Variants in TGM2 observed in about 807,000 individuals in gnomAD.
TGM2 encodes transglutaminase 2.
A neutral mutation model predicts 75.6 loss-of-function variants in TGM2; 53 were observed. The observed-to-expected ratio is 0.70, with a 90% CI of 0.56 to 0.88. The LOEUF is 0.88. TGM2 is among the 40% of genes least tolerant of loss of function. The pLI, the probability that TGM2 is intolerant of heterozygous loss-of-function variation, is 0.00. For missense variants in TGM2, 842 were observed against 928.5 expected (o/e 0.91, Z 1.21); for synonymous variants, 374 against 381.1 (o/e 0.98, Z 0.22).
chr20:38,161,661 C>A (rs1242808948), intron 1 of TGM2, 62 bp from the exon 2 acceptor site: 1 of 1,589,462 alleles, frequency 6.3e-7, no homozygotes, highest in Non-Finnish European at 8.6e-7. Context: ...CAGTGATGCA[C>A]CTGCCCTCCC....
chr20:38,137,840 C>A (rs993370911), intron 10 of TGM2: 58 of 624,718 alleles, frequency 9.3e-5, no homozygotes, highest in Non-Finnish European at 1.4e-4. Context: ...CAGGTTAACT[C>A]CCCAACTGTG....
intron 10 of TGM2, among the ~76,000 whole-genome samples, chr20:38,135,343 A>T (rs1342716539): frequency 6.6e-6 from 1 of 151,982 alleles, no homozygotes; most frequent in Non-Finnish European, 1.5e-5. Flanking sequence ...GTCAAGCCCA[A>T]GACTTCACCA....
At position 38,138,443 on chromosome 20, in the gene TGM2, C is replaced by T. The variant is rs1434017988; in HGVS notation, c.1343-58G>A. 1.8e-5 allele frequency: 29 copies of T among 1,610,784 alleles called. 1 individual carries two copies. The highest frequency in any genetic ancestry group is 1.6e-4 in the East Asian group (7 of 44,882). ...GCTGGAATAGATCACAGGAAGGGGG[C>T]TGCAACAGGGCGAGCTGTCTTCGCA... On this transcript the variant is annotated intron_variant, in intron 9 of 12. Coordinates refer to ENST00000361475, the MANE Select transcript of TGM2 (RefSeq NM_004613.4).
chr20:38,155,750 C>G, intron 3 of TGM2, 97 bp downstream of exon 3: 1 of 1,487,364 alleles, frequency 6.7e-7, no homozygotes, highest in Non-Finnish European at 9.0e-7. Context: ...TGATGTGTGT[C>G]TCTTATCCCC....
chr20:38,153,218 G>T (rs932682521), intron 3 of TGM2, among the ~76,000 whole-genome samples: 5 of 152,140 alleles, frequency 3.3e-5, no homozygotes, highest in Admixed American at 6.6e-5. Flanking sequence ...GACACTCAAC[G>T]CCCTTAGAAA....
At chr20:38,167,575 G>A (rs2075321317), upstream of TGM2, among the ~76,000 whole-genome samples, 1 of 152,146 alleles carries the variant, frequency 6.6e-6, no homozygotes, top group African/African-American at 2.4e-5. Flanking sequence ...CTGAGCTCTA[G>A]TGATCTGCAC....
chr20:38,156,980 CT>C (rs1281913107), intron 2 of TGM2, among the ~76,000 whole-genome samples: 2 of 152,206 alleles, frequency 1.3e-5, no homozygotes, highest in Admixed American at 6.5e-5. Context: ...AAAGCAGCTG[CT>C]TTTCCAGGTG....
At chr20:38,136,254 A>G (rs745405727) in intron 10 of TGM2, among the ~76,000 whole-genome samples, 5 of 152,198 alleles carry the variant, frequency 3.3e-5, no homozygotes, top group Non-Finnish European at 7.3e-5. Context: ...CCCGCCCGCA[A>G]CACAGACCTG....
At position 38,138,346 on chromosome 20, in the gene TGM2, T is replaced by C. The variant is rs754486163; in HGVS notation, c.1382A>G (p.His461Arg). The C allele has an allele frequency of 3.7e-6, 6 of 1,614,168 alleles. No homozygotes were observed. In the Admixed American group the frequency reaches 1.0e-4, roughly 27 times the overall value. Residue 461 changes from histidine to arginine, a missense_variant, in exon 10 of 13, where the codon CAC becomes CGC. Coordinates refer to ENST00000361475, the MANE Select transcript of TGM2 (RefSeq NM_004613.4). ...CTCCTTCTCGGCCAGTTTGTTCAGG[T>C]GGTTCGCCCTTGTGAAGGCCTCCCT... ...EEREAFTRAN[H>R]LNKLAEKEET...
intron 11 of TGM2, 92 bp from the exon 12 acceptor site, chr20:38,131,321 C>T: frequency 1.3e-6 from 2 of 1,579,206 alleles, no homozygotes; most frequent in South Asian, 2.2e-5. Context: ...ATTTGCTGAA[C>T]AAAGCTGTAC....
rs184512746 is a variant in TGM2 at position 38,131,725 on chromosome 20, T to C, written c.1777-496A>G. Among the ~76,000 whole-genome samples the C allele has an allele frequency of 2.6e-5, 4 of 152,224 alleles. No homozygotes were observed. In the East Asian group the frequency reaches 5.8e-4, roughly 22 times the overall value. ...TCTGCTGTTTACCATTTAAGTGTAATTGTTGCCCTTAGGGGTTGTGGGCTG... is the reference window on the plus strand; with the variant it reads ...TCTGCTGTTTACCATTTAAGTGTAACTGTTGCCCTTAGGGGTTGTGGGCTG... On this transcript the variant is annotated intron_variant, in intron 11 of 12. Coordinates refer to ENST00000361475, the MANE Select transcript of TGM2 (RefSeq NM_004613.4).
rs1199376180 is a variant in TGM2, at chr20:38,149,678, C to CAAAAAAAAAAAAAA, written c.552+1247_552+1260dup. 5.4e-3 allele frequency among the ~76,000 whole-genome samples: 218 copies of CAAAAAAAAAAAAAA among 40,434 alleles called. 20 individuals carry two copies. The highest frequency in any genetic ancestry group is 0.019 in the African/African-American group (199 of 10,744). The allele number at this position is 40,434 out of a possible 152,430, so 26.5% of individuals were successfully genotyped here. On this transcript the variant is annotated intron_variant, in intron 4 of 12. Coordinates refer to ENST00000361475, the MANE Select transcript of TGM2 (RefSeq NM_004613.4). ...TGGGCAACAGAGCGAGACTCCGCCT[C>CAAAAAAAAAAAAAA]AAAAAAAAAAAAAAAAAAAAAAACA...
chr20:38,132,242 T>A, intron 11 of TGM2, 98 bp downstream of exon 11: 2 of 1,409,608 alleles, frequency 1.4e-6, no homozygotes, highest in Non-Finnish European at 2.0e-6. Context: ...GGTCTGGAGC[T>A]TGCAGGGATG....
In TGM2 at chr20:38,161,386, G is replaced by T. The variant is rs45555039; in HGVS notation, c.190+34C>A. On this transcript the variant is annotated intron_variant, in intron 2 of 12. Coordinates refer to ENST00000361475, the MANE Select transcript of TGM2 (RefSeq NM_004613.4). ...GGGTGGAGAGGAAGTGGTGGTGGTG[G>T]TGGTGGTGGTGGAGTGGGGTTGCAG... is the stretch of plus-strand genomic sequence containing the variant. 2.5e-6 allele frequency: 4 copies of T among 1,610,866 alleles called. 1 individual carries two copies. Among genetic ancestry groups the T allele is most frequent in the Middle Eastern group, 1.7e-4 (1 of 6,060 alleles).
intron 10 of TGM2, among the ~76,000 whole-genome samples, chr20:38,134,456 C>T (rs1271845977): frequency 2.6e-5 from 4 of 152,140 alleles, no homozygotes; most frequent in Non-Finnish European, 5.9e-5. Flanking sequence ...AGGATGTGGC[C>T]CAACTGTCGA....
intron 12 of TGM2, among the ~76,000 whole-genome samples, 184 bp from the exon 13 acceptor site, chr20:38,130,553 G>A (rs562663944): frequency 1.7e-3 from 266 of 152,350 alleles, no homozygotes; most frequent in African/African-American, 6.2e-3. Flanking sequence ...GCCTGTGCAC[G>A]CATGTGTGTC....
intron 10 of TGM2, among the ~76,000 whole-genome samples, chr20:38,134,436 G>C (rs868080246): frequency 1.3e-5 from 2 of 152,206 alleles, no homozygotes; most frequent in Non-Finnish European, 1.5e-5. Flanking sequence ...ATTATCCTCC[G>C]GGGGCTTGGA....
At chr20:38,131,286 T>C (rs1001175979) in intron 11 of TGM2, 57 bp from the exon 12 acceptor site, 25 of 1,609,170 alleles carry the variant, frequency 1.6e-5, no homozygotes, top group Non-Finnish European at 2.0e-5. Context: ...CTGGGCTGTC[T>C]GCATTCACTG....
chr20:38,167,872 T>G (rs1490791580), upstream of TGM2, among the ~76,000 whole-genome samples: 1 of 152,194 alleles, frequency 6.6e-6, no homozygotes, highest in Admixed American at 6.5e-5. Flanking sequence ...TGTGTAGCCA[T>G]GTCCACTACA....
Sources: gnomAD v4.1 joint callset for allele counts (sites outside exome capture counted in the v4.1 genomes callset) on GRCh38, gnomAD v4.1.1 for gene constraint, MANE v1.5 for transcripts, NCBI Gene and HGNC (gene_info 2026-07-23, HGNC 2026-07-21) for gene names.